NID1: variants seen among roughly 807,000 people sequenced by gnomAD.
NID1 encodes nidogen-1.
Under a neutral mutation model 130.6 loss-of-function variants are expected in NID1, and 76 were observed. The ratio of observed to expected loss-of-function variants is 0.58; its 90% CI spans 0.48 to 0.70. The LOEUF (loss-of-function observed/expected upper bound fraction) is 0.70. Ranked by LOEUF, NID1 falls within the 30% of genes least tolerant of loss-of-function variation. The pLI is 0.00. For missense variants in NID1, 1,517 were observed against 1,664.8 expected (o/e 0.91, Z 1.54); for synonymous variants, 665 against 675.1 (o/e 0.98, Z 0.23).
intron 1 of NID1, among the ~76,000 whole-genome samples, chr1:236,063,153 C>CAAAAAAAAA (rs57769010): frequency 1.3e-4 from 10 of 79,706 alleles, no homozygotes; most frequent in African/African-American, 3.8e-4. Flanking sequence ...GACTTCATCT[C>CAAAAAAAAA]AAAAAAAAAA....
rs16833183 is a variant in NID1 at position 236,042,140 on chromosome 1, C to A, written c.905G>T (p.Arg302Leu). ...EDEDYDLATT[R>L]LGLEDVGTTP... ...GGTGCCCACATCCTCCAGGCCCAGA[C>A]GAGTGGTCGCCAGGTCATAATCTTC... Residue 302 changes from arginine (R) to leucine (L), a missense_variant, in exon 4 of 20, where the codon CGT (arginine) becomes CTT (leucine). By Grantham distance (102) the Arg-to-Leu change is moderately radical. Coordinates refer to ENST00000264187, the MANE Select transcript of NID1 (RefSeq NM_002508.3). 6 of 1,613,968 alleles carry A rather than the reference C, an allele frequency of 3.7e-6. No homozygotes were observed. The highest frequency in any genetic ancestry group is 4.2e-6 in the Non-Finnish European group (5 of 1,180,042).
chr1:235,989,398 GAC>G (rs1328957051), intron 14 of NID1, among the ~76,000 whole-genome samples: 1 of 152,224 alleles, frequency 6.6e-6, no homozygotes, highest in Non-Finnish European at 1.5e-5. Context: ...AGATGGAAAT[GAC>G]ACAGATGATC....
At chr1:236,059,997 G>A (rs539661531) in intron 1 of NID1, among the ~76,000 whole-genome samples, 2 of 151,906 alleles carry the variant, frequency 1.3e-5, no homozygotes, top group South Asian at 4.2e-4. Context: ...CTACTTGGGA[G>A]GCTGAGGTAG....
chr1:236,034,973 C>CTTTTTT (rs11371749), intron 5 of NID1, among the ~76,000 whole-genome samples: 18 of 131,648 alleles, frequency 1.4e-4, no homozygotes, highest in African/African-American at 4.7e-4. Flanking sequence ...GCAGAGTTTT[C>CTTTTTT]TTTTTTTTTT....
At chr1:236,056,598 T>C (rs1659904088) in intron 1 of NID1, among the ~76,000 whole-genome samples, 1 of 152,244 alleles carries the variant, frequency 6.6e-6, no homozygotes, top group African/African-American at 2.4e-5. Context: ...TATCGAACTG[T>C]ATGTTTGTAC....
chr1:236,016,433 G>A (rs2102819432), intron 10 of NID1, among the ~76,000 whole-genome samples: 1 of 152,274 alleles, frequency 6.6e-6, no homozygotes, highest in East Asian at 1.9e-4. Context: ...TTTTAAATTG[G>A]GAAGACATGT....
chr1:236,005,712 G>T (rs1658228105), intron 12 of NID1, among the ~76,000 whole-genome samples: 1 of 152,096 alleles, frequency 6.6e-6, no homozygotes, highest in Admixed American at 6.6e-5. Flanking sequence ...AGACACATCA[G>T]AAAGGAAAAG....
intron 15 of NID1, among the ~76,000 whole-genome samples, chr1:235,983,263 G>A (rs191323827): frequency 2.3e-4 from 35 of 152,344 alleles, no homozygotes; most frequent in African/African-American, 7.9e-4. Flanking sequence ...ATATGATGGT[G>A]ACCTTGGATG....
rs1401722159 is a variant in NID1 at position 236,048,679 on chromosome 1, G to A, written c.525+11C>T. ...CTGATTACCTGCACTTGGACCTGGA[G>A]GGGAGCTTACCTTGCCTTTCTGGTC... On this transcript the variant is annotated intron_variant, in intron 2 of 19. Transcript: ENST00000264187. 1.2e-6 allele frequency: 2 copies of A among 1,605,594 alleles called. No individual in the cohort carries two copies. The highest frequency in any genetic ancestry group is 1.1e-5 in the South Asian group (1 of 89,946).
At chr1:236,060,022 C>A (rs987741012) in intron 1 of NID1, among the ~76,000 whole-genome samples, 1 of 151,680 alleles carries the variant, frequency 6.6e-6, no homozygotes, top group Admixed American at 6.6e-5. Flanking sequence ...ATTGCTTGAA[C>A]CCAGGAGGTG....
chr1:236,017,271 T>C lies in NID1; in HGVS notation c.2131A>G (p.Ile711Val), dbSNP rs749533987. The C allele has an allele frequency of 1.2e-6, 2 of 1,613,614 alleles. No homozygotes were observed. Among genetic ancestry groups the C allele is most frequent in the Admixed American group, 3.3e-5 (2 of 59,854 alleles). ...FRGDGRTCYD[I>V]DECSEQPSVC... ...GAGGGTTGTTCTGAACATTCATCAA[T>C]ATCTGCAGCAAAAATTTTTTTTTAC... Residue 711 changes from isoleucine (I) to valine (V), a missense_variant and splice_region_variant, in exon 10 of 20, where the codon ATT (isoleucine) becomes GTT (valine). Physicochemically the swap from Ile to Val is conservative, Grantham distance 29. This residue lies in a region of NID1 where 1,329 missense variants were observed against 1,429.2 expected (regional missense o/e 0.93). Coordinates refer to ENST00000264187, the MANE Select transcript of NID1 (RefSeq NM_002508.3).
intron 9 of NID1, among the ~76,000 whole-genome samples, chr1:236,020,059 C>CA (rs1553345425): frequency 1.2e-5 from 1 of 81,580 alleles, no homozygotes; most frequent in Admixed American, 1.1e-4. Context: ...AAAAAAAAAA[C>CA]AAAAACAAAC....
At chr1:235,989,439 T>C (rs1657665125) in intron 14 of NID1, among the ~76,000 whole-genome samples, 1 of 152,166 alleles carries the variant, frequency 6.6e-6, no homozygotes, top group African/African-American at 2.4e-5. Context: ...AGCAAGGCAA[T>C]AGATGAATAC....
At chr1:236,056,391 G>C (rs948949962) in intron 1 of NID1, among the ~76,000 whole-genome samples, 2 of 152,138 alleles carry the variant, frequency 1.3e-5, no homozygotes, top group African/African-American at 4.8e-5. Context: ...TACACGTGGA[G>C]TATATATTTT....
Position 235,993,735 on chromosome 1 carries a change from A to T in NID1, c.2665T>A (p.Cys889Ser). ...CAGCAGTAGCCGGTGCTGCCGTGGC[A>T]CTGGGTGGGCGCGTAGTGCCCGTGC... ...DAHGHYAPTQCHGSTGYCWCV... is the reference protein window; with the variant it reads ...DAHGHYAPTQSHGSTGYCWCV... The change falls in exon 13 of 20, where the codon TGC (cysteine) becomes AGC (serine). Residue 889 changes from cysteine (C) to serine (S), a missense_variant. Physicochemically the swap from Cys to Ser is moderately radical, Grantham distance 112. Around this residue, in one of 3 missense-constraint regions of NID1, gnomAD observed 1,329 missense variants for 1,429.2 expected, o/e 0.93. Coordinates refer to ENST00000264187, the MANE Select transcript of NID1 (RefSeq NM_002508.3). 6.2e-7 allele frequency: 1 copy of T among 1,612,492 alleles called. No homozygotes were observed. Among genetic ancestry groups the T allele is most frequent in the Non-Finnish European group, 8.5e-7 (1 of 1,179,050 alleles).
At chr1:236,058,563 G>A (rs1659954128) in intron 1 of NID1, among the ~76,000 whole-genome samples, 1 of 152,194 alleles carries the variant, frequency 6.6e-6, no homozygotes, top group South Asian at 2.1e-4. Flanking sequence ...ATCTTAGAAA[G>A]CACTTCCTGT....
chr1:236,054,060 GA>G (rs1391877493), intron 1 of NID1, among the ~76,000 whole-genome samples: 3 of 152,118 alleles, frequency 2.0e-5, no homozygotes, highest in Non-Finnish European at 4.4e-5. Flanking sequence ...GCAAAATCCA[GA>G]ATATAAAGCA....
rs781202763 is a variant in NID1 at position 236,051,024 on chromosome 1, A to T, written c.226-2035T>A. 3.2e-4 allele frequency among the ~76,000 whole-genome samples: 48 copies of T among 152,140 alleles called. 1 individual carries two copies. Among genetic ancestry groups the T allele is most frequent in the Admixed American group, 4.6e-4 (7 of 15,276 alleles). On this transcript the variant is annotated intron_variant, in intron 1 of 19. Coordinates refer to ENST00000264187, the MANE Select transcript of NID1 (RefSeq NM_002508.3). ...CTTGAGCCCAAGAGGCAGAGGCTGC[A>T]GTGAGCCGAGATTGCACTGATGATG... is the stretch of plus-strand genomic sequence containing the variant.
Position 235,988,005 on chromosome 1 carries a change from C to T in NID1, c.2929-2500G>A, listed in dbSNP as rs1657621061. 2.0e-5 allele frequency among the ~76,000 whole-genome samples: 3 copies of T among 152,022 alleles called. No homozygotes were observed. The South Asian group carries it at 6.2e-4, about 32-fold the overall frequency. ...TGGCGACAATTTCTTGGATATGATACCAAAAGCACAGGCAACAAAAGAAAA... is the reference window on the plus strand; with the variant it reads ...TGGCGACAATTTCTTGGATATGATATCAAAAGCACAGGCAACAAAAGAAAA... On this transcript the variant is annotated intron_variant, in intron 14 of 19. Transcript: ENST00000264187.
Sources: gnomAD v4.1 joint callset for allele counts (sites outside exome capture counted in the v4.1 genomes callset) on GRCh38, gnomAD v4.1.1 for gene constraint, gnomAD v4.1.1 regional missense constraint, MANE v1.5 for transcripts, NCBI Gene and HGNC (gene_info 2026-07-23, HGNC 2026-07-21) for gene names.